Variants in MGMT observed in about 807,000 individuals in gnomAD.
MGMT encodes O-6-methylguanine-DNA methyltransferase.
In MGMT, 14 loss-of-function variants were observed where a neutral mutation model predicts 15.9. That is an observed-to-expected ratio of 0.88 (90% CI 0.58 to 1.37). The LOEUF (loss-of-function observed/expected upper bound fraction) is 1.37, where lower values mean the gene tolerates loss of function less well. Ranked by LOEUF, MGMT falls within the 40% of genes most tolerant of loss-of-function variation. The probability of loss-of-function intolerance (pLI) is 0.00; values close to 1 mark genes in which losing one functional copy is unlikely to be tolerated. For synonymous variants in MGMT, 130 were observed against 118.2 expected (o/e 1.10, Z -0.65); for missense variants, 282 against 268.1 (o/e 1.05, Z -0.36).
rs1236204050 is a variant in MGMT, at chr10:129,547,502, C to T, written c.125+11125C>T. Among the ~76,000 whole-genome samples, 5 of 152,158 alleles carry T rather than the reference C, an allele frequency of 3.3e-5. No homozygotes were observed. The South Asian group carries it at 1.0e-3, about 32-fold the overall frequency. ...GTGGTTCTGGAGAACATTGGTCCTT[C>T]TGCCGGCCTGGCAGCTACTTTAATT... On this transcript the variant is annotated intron_variant, in intron 2 of 4. Coordinates refer to ENST00000651593, the MANE Select transcript of MGMT (RefSeq NM_002412.5).
intron 1 of MGMT, 28 bp from the exon 2 acceptor site, chr10:129,536,213 C>G (rs1212897640): frequency 1.2e-6 from 2 of 1,612,906 alleles, no homozygotes; most frequent in East Asian, 2.2e-5. Flanking sequence ...TACCTATACA[C>G]TTTGTCTTAA....
chr10:129,660,108 C>T (rs1049980824), intron 2 of MGMT, among the ~76,000 whole-genome samples: 1 of 152,186 alleles, frequency 6.6e-6, no homozygotes, highest in Non-Finnish European at 1.5e-5. Context: ...TTTATAACTT[C>T]CTCCTTTCTC....
chr10:129,717,072 G>A (rs572722000), intron 3 of MGMT, among the ~76,000 whole-genome samples: 1 of 152,322 alleles, frequency 6.6e-6, no homozygotes, highest in African/African-American at 2.4e-5. Context: ...CTACCTGAGT[G>A]ATGGCATTTT....
At chr10:129,645,556 G>A (rs118166493) in intron 2 of MGMT, among the ~76,000 whole-genome samples, 43 of 152,282 alleles carry the variant, frequency 2.8e-4, no homozygotes, top group South Asian at 1.0e-3. Flanking sequence ...TCATGGAGAT[G>A]TCTGACCGTT....
At chr10:129,661,277 C>T (rs1847594354) in intron 2 of MGMT, among the ~76,000 whole-genome samples, 1 of 151,602 alleles carries the variant, frequency 6.6e-6, no homozygotes, top group Non-Finnish European at 1.5e-5. Flanking sequence ...GTGCTGTGTG[C>T]AAGTATTTCT....
intron 2 of MGMT, among the ~76,000 whole-genome samples, chr10:129,649,373 A>C (rs1255964136): frequency 6.6e-6 from 1 of 152,136 alleles, no homozygotes; most frequent in Non-Finnish European, 1.5e-5. Flanking sequence ...TAGAAAAAAA[A>C]ATAAGATGGA....
intron 2 of MGMT, among the ~76,000 whole-genome samples, chr10:129,638,734 T>G (rs1366562096): frequency 6.6e-6 from 1 of 152,132 alleles, no homozygotes; most frequent in African/African-American, 2.4e-5. Flanking sequence ...AGTTACACCT[T>G]AACAATTATA....
intron 4 of MGMT, among the ~76,000 whole-genome samples, chr10:129,763,433 C>T (rs1848897898): frequency 2.0e-5 from 3 of 152,200 alleles, no homozygotes; most frequent in Admixed American, 2.0e-4. Flanking sequence ...TCTTCCCCAT[C>T]ACAGCATGCT....
At chr10:129,652,693 G>A (rs1003713943) in intron 2 of MGMT, among the ~76,000 whole-genome samples, 5 of 152,136 alleles carry the variant, frequency 3.3e-5, no homozygotes, top group East Asian at 1.9e-4. Flanking sequence ...CCTGTCCTCC[G>A]CACGTCAGCT....
chr10:129,718,510 C>T (rs1361343159), intron 3 of MGMT, among the ~76,000 whole-genome samples: 3 of 152,036 alleles, frequency 2.0e-5, no homozygotes, highest in Non-Finnish European at 2.9e-5. Flanking sequence ...ACAGCTGACC[C>T]GAGAGTGAGT....
chr10:129,696,178 C>T (rs1211410364), intron 2 of MGMT, among the ~76,000 whole-genome samples: 1 of 152,174 alleles, frequency 6.6e-6, no homozygotes, highest in African/African-American at 2.4e-5. Context: ...GAGGGTACAG[C>T]ATAGATGCCT....
intron 2 of MGMT, among the ~76,000 whole-genome samples, chr10:129,633,213 G>A (rs1344145614): frequency 6.6e-6 from 1 of 152,060 alleles, no homozygotes; most frequent in Non-Finnish European, 1.5e-5. Context: ...TAGAAAAAAC[G>A]TTATACCTTG....
At chr10:129,613,915 G>T (rs752195736) in intron 2 of MGMT, among the ~76,000 whole-genome samples, 3 of 152,214 alleles carry the variant, frequency 2.0e-5, no homozygotes, top group Non-Finnish European at 4.4e-5. Context: ...CTAATTCATG[G>T]TGGACATGCA....
intron 2 of MGMT, 102 bp downstream of exon 2, chr10:129,536,479 A>G: frequency 7.1e-7 from 1 of 1,417,144 alleles, no homozygotes; most frequent in Non-Finnish European, 9.5e-7. Flanking sequence ...GGTAACGCAT[A>G]GCCTTACCCC....
intron 2 of MGMT, among the ~76,000 whole-genome samples, chr10:129,669,120 T>A (rs537584297): frequency 6.6e-6 from 1 of 152,342 alleles, no homozygotes; most frequent in East Asian, 1.9e-4. Context: ...TACATTTCCA[T>A]AGAAGATTTA....
At position 129,707,907 on chromosome 10, in the gene MGMT, C is replaced by T. The variant is rs1376960729; in HGVS notation, c.138C>T (p.Val46=). 6.2e-6 allele frequency: 10 copies of T among 1,611,582 alleles called. No homozygotes were observed. In the African/African-American group the frequency reaches 1.3e-4, roughly 22 times the overall value. ...KGTSAADAVE[V]PAPAAVLGGP... ...CTCACTTTTGCAGTGCCGTGGAGGT[C>T]CCAGCCCCCGCTGCGGTTCTCGGAG... The change falls in exon 3 of 5, where the codon GTC becomes GTT. Residue 46 remains valine, a synonymous_variant. Transcript: ENST00000651593.
chr10:129,647,133 C>T (rs1218462492), intron 2 of MGMT, among the ~76,000 whole-genome samples: 1 of 152,074 alleles, frequency 6.6e-6, no homozygotes, highest in Non-Finnish European at 1.5e-5. Flanking sequence ...CCCATTTACT[C>T]AGGGTTTCTG....
intron 3 of MGMT, among the ~76,000 whole-genome samples, chr10:129,754,875 C>T (rs1345278326): frequency 6.6e-6 from 1 of 152,184 alleles, no homozygotes; most frequent in Non-Finnish European, 1.5e-5. Context: ...AACACAGGAA[C>T]ACATTGAAAC....
At chr10:129,603,182 T>C (rs1420157431) in intron 2 of MGMT, among the ~76,000 whole-genome samples, 1 of 152,246 alleles carries the variant, frequency 6.6e-6, no homozygotes, top group Non-Finnish European at 1.5e-5. Flanking sequence ...TTAATTTTTA[T>C]AGGGCAAGGA....
Sources: allele counts gnomAD v4.1 joint callset (sites outside exome capture counted in the v4.1 genomes callset), GRCh38; gene constraint gnomAD v4.1.1; transcripts MANE v1.5; gene names NCBI Gene and HGNC (gene_info 2026-07-23, HGNC 2026-07-21).